Variants in CCDC160 observed in about 807,000 individuals in gnomAD.
CCDC160 encodes the protein coiled-coil domain-containing protein 160.
For synonymous variants in CCDC160, 94 were observed against 79.4 expected (o/e 1.18, Z -0.98); for missense variants, 227 against 215.6 (o/e 1.05, Z -0.33).
intron 1 of CCDC160, among the ~76,000 whole-genome samples, chrX:134,243,061 T>A (rs1476549534): frequency 8.9e-6 from 1 of 111,776 alleles, no homozygotes; most frequent in Non-Finnish European, 1.9e-5. Flanking sequence ...ATATTTCCCT[T>A]TAAGAACAGA....
At chrX:134,240,108 T>A (rs947361975) in intron 1 of CCDC160, among the ~76,000 whole-genome samples, 7 of 111,825 alleles carry the variant, frequency 6.3e-5, no homozygotes, top group African/African-American at 2.3e-4. Context: ...CAGGTCAGAA[T>A]CTTCTAAGGA....
intron 1 of CCDC160, among the ~76,000 whole-genome samples, chrX:134,242,341 T>G (rs1275715106): frequency 9.0e-6 from 1 of 111,357 alleles, no homozygotes; most frequent in Non-Finnish European, 1.9e-5. Context: ...AGCAGATGAA[T>G]AAAGAAGAAT....
chrX:134,245,923 T>C, downstream of CCDC160: 1 of 426,022 alleles, frequency 2.3e-6, no homozygotes, highest in Non-Finnish European at 3.8e-6. Flanking sequence ...ATATACATGT[T>C]TCCAAGCTTC....
downstream of CCDC160, among the ~76,000 whole-genome samples, chrX:134,246,683 T>C (rs186683046): frequency 6.2e-4 from 69 of 112,144 alleles, no homozygotes; most frequent in African/African-American, 2.1e-3. Context: ...TATTTTACAC[T>C]TATACATGGT....
At chrX:134,243,639 A>T (rs762950971) in intron 1 of CCDC160, among the ~76,000 whole-genome samples, 1 of 112,489 alleles carries the variant, frequency 8.9e-6, no homozygotes, top group Non-Finnish European at 1.9e-5. Context: ...AAATAAATGC[A>T]ACATTTGCCA....
intron 1 of CCDC160, among the ~76,000 whole-genome samples, chrX:134,241,887 C>T (rs2077028479): frequency 8.9e-6 from 1 of 111,911 alleles, no homozygotes; most frequent in African/African-American, 3.3e-5. Flanking sequence ...GGCTACCAGG[C>T]CAGGGTAGAG....
exon 2 of CCDC160, chrX:134,245,607 A>G: frequency 1.7e-6 from 2 of 1,208,943 alleles, no homozygotes; most frequent in Non-Finnish European, 2.2e-6. Flanking sequence ...ATTATGAATT[A>G]GAAATGGCAA....
At chrX:134,242,676 G>A (rs1039479741) in intron 1 of CCDC160, among the ~76,000 whole-genome samples, 2 of 110,608 alleles carry the variant, frequency 1.8e-5, no homozygotes, top group Non-Finnish European at 3.8e-5. Context: ...AATTATTAAT[G>A]AAAAGAGTTT....
chrX:134,240,222 G>A (rs2077022940), intron 1 of CCDC160, among the ~76,000 whole-genome samples: 1 of 112,315 alleles, frequency 8.9e-6, no homozygotes. Flanking sequence ...AGAATAAATT[G>A]GACAGTTGAG....
At chrX:134,243,245 C>T (rs896300716) in intron 1 of CCDC160, 1 of 384,214 alleles carries the variant, frequency 2.6e-6, no homozygotes, top group Non-Finnish European at 3.3e-6. Context: ...GCTTTTGGAC[C>T]AATCATTTTA....
chrX:134,246,263 G>A (rs2077043039), downstream of CCDC160: 1 of 111,583 alleles, frequency 9.0e-6, no homozygotes, highest in Non-Finnish European at 1.9e-5. Flanking sequence ...TACCAAAAAT[G>A]TATCTGCTTA....
intron 1 of CCDC160, among the ~76,000 whole-genome samples, chrX:134,242,270 A>G (rs1489369119): frequency 9.0e-6 from 1 of 111,546 alleles, no homozygotes; most frequent in Non-Finnish European, 1.9e-5. Context: ...GTGGCCTTTT[A>G]AAAGATACCT....
chrX:134,245,874 G>T, downstream of CCDC160: 1 of 592,244 alleles, frequency 1.7e-6, no homozygotes, highest in Non-Finnish European at 2.4e-6. Context: ...GTAATAGGAT[G>T]TTATTTTCAT....
At chrX:134,244,634 A>G in intron 1 of CCDC160, 143 bp from the exon 3 acceptor site, 1 of 500,866 alleles carries the variant, frequency 2.0e-6, no homozygotes. Flanking sequence ...ACTGAGGCCC[A>G]AGCCATTCAG....
At chrX:134,246,803 G>A (rs1483490472), downstream of CCDC160, among the ~76,000 whole-genome samples, 1 of 112,058 alleles carries the variant, frequency 8.9e-6, no homozygotes, top group Non-Finnish European at 1.9e-5. Flanking sequence ...TATTTGCATG[G>A]TGTTTTAAAG....
At chrX:134,244,707 A>G (rs1192454224) in intron 1 of CCDC160, 70 bp from the exon 3 acceptor site, 15 of 965,609 alleles carry the variant, frequency 1.6e-5, no homozygotes, top group Non-Finnish European at 1.8e-5. Flanking sequence ...CAGCATTTTT[A>G]TTTCTTTCTA....
At chrX:134,243,217 A>C (rs1291510194) in intron 1 of CCDC160, 2 of 181,790 alleles carry the variant, frequency 1.1e-5, no homozygotes, top group Non-Finnish European at 1.7e-5. Flanking sequence ...GATTGACCTC[A>C]AGAAAGCTTG....
chrX:134,243,305 T>G, intron 1 of CCDC160: 1 of 718,560 alleles, frequency 1.4e-6, no homozygotes, highest in East Asian at 1.5e-4. Context: ...TATATGTACC[T>G]TCTCCTTTCC....
At chrX:134,245,433 T>C (rs1419003948) in exon 2 of CCDC160, 1 of 1,183,117 alleles carries the variant, frequency 8.5e-7, no homozygotes, top group African/African-American at 1.8e-5. Context: ...ATGACCTGTC[T>C]GAAAAAGCAA....
Sources: allele counts gnomAD v4.1 joint callset (sites outside exome capture counted in the v4.1 genomes callset), GRCh38; gene constraint gnomAD v4.1.1; transcripts MANE v1.5; gene names NCBI Gene and HGNC (gene_info 2026-07-23, HGNC 2026-07-21).